Variants in MARK3 observed in about 807,000 individuals in gnomAD.
MARK3 encodes the protein microtubule affinity regulating kinase 3.
In MARK3, 46 loss-of-function variants were observed where a neutral mutation model predicts 90.1. That is an observed-to-expected ratio of 0.51 (90% CI 0.40 to 0.65). The LOEUF (loss-of-function observed/expected upper bound fraction) is 0.65. Ranked by LOEUF, MARK3 falls within the 30% of genes least tolerant of loss-of-function variation. The probability of loss-of-function intolerance (pLI) is 0.00; values close to 1 mark genes in which losing one functional copy is unlikely to be tolerated. For synonymous variants in MARK3, 321 were observed against 332.6 expected (o/e 0.97, Z 0.38); for missense variants, 818 against 947.2 (o/e 0.86, Z 1.79).
chr14:103,428,333 C>T (rs1265678920), intron 2 of MARK3, 54 bp from the exon 3 acceptor site: 23 of 924,480 alleles, frequency 2.5e-5, no homozygotes, highest in Non-Finnish European at 3.6e-5. Context: ...TGGCATTTAT[C>T]AGTCCATAAT....
intron 14 of MARK3, among the ~76,000 whole-genome samples, chr14:103,488,845 A>T (rs2093974063): frequency 6.6e-6 from 1 of 152,238 alleles, no homozygotes; most frequent in Admixed American, 6.5e-5. Context: ...CTCCAAAAAT[A>T]AAAATTTAAA....
chr14:103,469,908 A>T (rs2093592364), intron 12 of MARK3, among the ~76,000 whole-genome samples: 1 of 151,988 alleles, frequency 6.6e-6, no homozygotes, highest in African/African-American at 2.4e-5. Flanking sequence ...TAAAAATAAA[A>T]AAATTACCTG....
intron 1 of MARK3, among the ~76,000 whole-genome samples, chr14:103,391,564 G>A (rs2090243283): frequency 6.8e-6 from 1 of 148,036 alleles, no homozygotes; most frequent in South Asian, 2.1e-4. Flanking sequence ...TTTTAATTGA[G>A]ATGGAGTCTT....
At chr14:103,499,477 T>C (rs2142131472) in intron 16 of MARK3, 1 of 152,306 alleles carries the variant, frequency 6.6e-6, no homozygotes, top group Admixed American at 6.5e-5. Context: ...ACATATTTTT[T>C]GATGGTGATA....
chr14:103,438,394 C>T (rs1348846411), intron 3 of MARK3, among the ~76,000 whole-genome samples: 6 of 152,196 alleles, frequency 3.9e-5, no homozygotes, highest in Non-Finnish European at 5.9e-5. Context: ...GAATAAGGGA[C>T]TGAACTAGCC....
intron 4 of MARK3, among the ~76,000 whole-genome samples, chr14:103,451,096 A>G (rs2093136613): frequency 6.6e-6 from 1 of 151,580 alleles, no homozygotes; most frequent in Non-Finnish European, 1.5e-5. Flanking sequence ...ATACCCAGCT[A>G]ATTTTTGGCA....
intron 7 of MARK3, 71 bp from the exon 8 acceptor site, chr14:103,465,486 T>C (rs1441738112): frequency 3.9e-6 from 4 of 1,031,730 alleles, no homozygotes; most frequent in Non-Finnish European, 6.0e-6. Context: ...TTTTCTAAAA[T>C]GCCTAATCCT....
intron 3 of MARK3, among the ~76,000 whole-genome samples, chr14:103,435,658 T>G (rs2092698721): frequency 6.6e-6 from 1 of 152,144 alleles, no homozygotes; most frequent in Non-Finnish European, 1.5e-5. Flanking sequence ...TCTGCCCGCC[T>G]TGGCCTCCCA....
At chr14:103,401,592 G>A (rs1440798653) in intron 1 of MARK3, among the ~76,000 whole-genome samples, 3 of 152,276 alleles carry the variant, frequency 2.0e-5, no homozygotes, top group Admixed American at 2.0e-4. Flanking sequence ...GGGCTGGAGA[G>A]TTAAGCACAG....
chr14:103,465,438 CATTA>C, intron 7 of MARK3, 115 bp from the exon 8 acceptor site: 1 of 658,058 alleles, frequency 1.5e-6, no homozygotes, highest in Non-Finnish European at 2.7e-6. Flanking sequence ...AATGTTTTCA[CATTA>C]ATTAGGAGGT....
chr14:103,436,867 G>A (rs1485004973), intron 3 of MARK3, among the ~76,000 whole-genome samples: 1 of 152,150 alleles, frequency 6.6e-6, no homozygotes, highest in East Asian at 1.9e-4. Context: ...AGCTGGGTGG[G>A]ATCACCTGAG....
chr14:103,480,177 T>C (rs2093795427), intron 13 of MARK3, among the ~76,000 whole-genome samples: 1 of 152,112 alleles, frequency 6.6e-6, no homozygotes. Context: ...TCCCAGCTAC[T>C]TGGGAGGCTG....
chr14:103,396,996 A>G (rs1192183463), intron 1 of MARK3, among the ~76,000 whole-genome samples: 2 of 152,174 alleles, frequency 1.3e-5, no homozygotes, highest in Non-Finnish European at 2.9e-5. Context: ...TATATTATGC[A>G]TTGAAATATT....
intron 15 of MARK3, among the ~76,000 whole-genome samples, chr14:103,492,264 G>T (rs1042630574): frequency 6.6e-6 from 1 of 152,080 alleles, no homozygotes; most frequent in Non-Finnish European, 1.5e-5. Context: ...GGAGGTTTTT[G>T]TTACTGTTCT....
At chr14:103,450,635 A>G (rs1400331937) in intron 4 of MARK3, among the ~76,000 whole-genome samples, 10 of 152,174 alleles carry the variant, frequency 6.6e-5, no homozygotes, top group Non-Finnish European at 1.2e-4. Flanking sequence ...TGAACGTATC[A>G]GAGTCTAGGG....
Position 103,491,899 on chromosome 14 carries a change from G to T in MARK3, c.1709G>T (p.Arg570Leu), listed in dbSNP as rs1001396009. 2 of 1,613,980 alleles carry T rather than the reference G, an allele frequency of 1.2e-6. No individual in the cohort carries two copies. Among genetic ancestry groups the T allele is most frequent in the Non-Finnish European group, 8.5e-7 (1 of 1,180,016 alleles). The stretch of plus-strand genomic sequence containing the variant: ...CGTAGCACTTTCCACGGCCAGCCCC[G>T]GGAACGGCGAACCGCAACATATAAT... ...ASRSTFHGQP[R>L]ERRTATYNGP... Residue 570 changes from arginine to leucine, a missense_variant, in exon 15 of 18, where the codon CGG (arginine) becomes CTG (leucine). By Grantham distance (102) the Arg-to-Leu change is moderately radical. Coordinates refer to ENST00000429436, the MANE Select transcript of MARK3 (RefSeq NM_001128918.3).
intron 15 of MARK3, among the ~76,000 whole-genome samples, chr14:103,493,882 A>G (rs1375816283): frequency 6.6e-6 from 1 of 151,512 alleles, no homozygotes; most frequent in Non-Finnish European, 1.5e-5. Flanking sequence ...CTCAAAAAAA[A>G]AAAAAAAAAA....
At chr14:103,408,171 A>G (rs556461518) in intron 2 of MARK3, among the ~76,000 whole-genome samples, 3 of 152,204 alleles carry the variant, frequency 2.0e-5, no homozygotes, top group South Asian at 2.1e-4. Context: ...AATGAATGCA[A>G]TAATACTGTT....
At chr14:103,492,362 T>TG (rs71460683) in intron 15 of MARK3, among the ~76,000 whole-genome samples, 3 of 152,072 alleles carry the variant, frequency 2.0e-5, no homozygotes, top group Non-Finnish European at 2.9e-5. Context: ...TGGTGTGGGG[T>TG]GGGGGGCTGG....
Sources: gnomAD v4.1 joint callset for allele counts (sites outside exome capture counted in the v4.1 genomes callset) on GRCh38, gnomAD v4.1.1 for gene constraint, MANE v1.5 for transcripts, NCBI Gene and HGNC (gene_info 2026-07-23, HGNC 2026-07-21) for gene names.